SOX5: variants seen among roughly 807,000 people sequenced by gnomAD.
SOX5 encodes transcription factor SOX-5.
Under a neutral mutation model 92.0 loss-of-function variants are expected in SOX5, and 9 were observed. The observed-to-expected ratio is 0.10, with a 90% confidence interval of 0.06 to 0.17. The LOEUF is 0.17. Among genes scored for constraint, SOX5 ranks in the 10% least tolerant of loss-of-function variants. SOX5 has a pLI of 1.00. For missense variants in SOX5, 642 were observed against 944.5 expected (o/e 0.68, Z 4.20); for synonymous variants, 344 against 336.3 (o/e 1.02, Z -0.25).
At chr12:23,551,205 C>T (rs568068035) in intron 11 of SOX5, among the ~76,000 whole-genome samples, 23 of 151,966 alleles carry the variant, frequency 1.5e-4, no homozygotes, top group African/African-American at 4.8e-4. Flanking sequence ...ACTATATTAA[C>T]GACACGGGAA....
intron 1 of SOX5, among the ~76,000 whole-genome samples, chr12:23,927,838 T>G (rs1481220195): frequency 3.3e-5 from 5 of 152,054 alleles, no homozygotes; most frequent in Admixed American, 6.6e-5. Context: ...TACCTTTCAG[T>G]GTGCTAATAT....
intron 4 of SOX5, among the ~76,000 whole-genome samples, chr12:23,965,971 A>T (rs940602134): frequency 6.6e-6 from 1 of 152,120 alleles, no homozygotes; most frequent in Admixed American, 6.5e-5. Context: ...CTGATTGTCC[A>T]GAGCACAATG....
chr12:24,340,800 C>T (rs1952486040), intron 2 of SOX5, among the ~76,000 whole-genome samples: 1 of 152,210 alleles, frequency 6.6e-6, no homozygotes, highest in Non-Finnish European at 1.5e-5. Context: ...CAGAGCTACA[C>T]ACTCACTTAT....
intron 2 of SOX5, among the ~76,000 whole-genome samples, chr12:24,329,852 G>A (rs549106782): frequency 2.0e-5 from 3 of 152,074 alleles, no homozygotes; most frequent in Non-Finnish European, 1.5e-5. Flanking sequence ...GTGAAACCCC[G>A]TCTCTACTAA....
chr12:23,657,724 C>G (rs2082490252), intron 7 of SOX5, among the ~76,000 whole-genome samples: 1 of 152,138 alleles, frequency 6.6e-6, no homozygotes, highest in African/African-American at 2.4e-5. Flanking sequence ...TTAGGCTCAG[C>G]TATGACAAAC....
chr12:24,090,744 T>C (rs181310073), intron 4 of SOX5, among the ~76,000 whole-genome samples: 23 of 152,300 alleles, frequency 1.5e-4, no homozygotes, highest in African/African-American at 5.5e-4. Flanking sequence ...TTCAGGGTAA[T>C]TGATGACACA....
Position 24,074,825 on chromosome 12 carries a change from A to T in SOX5, c.-2+138518T>A, listed in dbSNP as rs540170952. ...GACCTACTCAGAAATCTTAACAATG[A>T]CTCTACTGTATAACTTGGGAAATTT... On this transcript the variant is annotated intron_variant, in intron 4 of 4. Transcript: ENST00000446891. 2.6e-5 allele frequency among the ~76,000 whole-genome samples: 4 copies of T among 151,496 alleles called. No individual in the cohort carries two copies. In the South Asian group the frequency reaches 8.4e-4, roughly 32 times the overall value.
chr12:23,805,575 A>G (rs951726826), intron 3 of SOX5, among the ~76,000 whole-genome samples: 2 of 152,194 alleles, frequency 1.3e-5, no homozygotes, highest in South Asian at 2.1e-4. Flanking sequence ...AGAAAAAAAG[A>G]AAATGGTTTA....
At chr12:23,872,913 T>A (rs1486420866) in intron 2 of SOX5, among the ~76,000 whole-genome samples, 2 of 152,182 alleles carry the variant, frequency 1.3e-5, no homozygotes, top group Non-Finnish European at 2.9e-5. Flanking sequence ...ATCATCTTCA[T>A]ATTCAGTGAC....
At chr12:24,480,609 G>C (rs1308020589) in intron 1 of SOX5, among the ~76,000 whole-genome samples, 2 of 152,076 alleles carry the variant, frequency 1.3e-5, no homozygotes, top group Admixed American at 1.3e-4. Flanking sequence ...GATTTGAATA[G>C]ACACTTCTCA....
intron 7 of SOX5, among the ~76,000 whole-genome samples, chr12:23,663,731 TAAAAATCAGAATTTAA>T (rs1489763367): frequency 5.9e-5 from 9 of 152,094 alleles, no homozygotes; most frequent in Non-Finnish European, 1.2e-4. Flanking sequence ...CTTCATGATT[TAAAAATCAGAATTTAA>T]AAAAATCAGA....
chr12:24,082,253 T>C (rs1486752303), intron 4 of SOX5, among the ~76,000 whole-genome samples: 2 of 151,582 alleles, frequency 1.3e-5, no homozygotes, highest in Admixed American at 6.6e-5. Context: ...GTGTTATCAG[T>C]ATTATAAAAC....
chr12:23,949,742 C>CTA, upstream of SOX5: 1 of 1,090,162 alleles, frequency 9.2e-7, no homozygotes, highest in Non-Finnish European at 1.3e-6. Context: ...CTCTCTCTCT[C>CTA]TCTCTCTCTC....
At chr12:24,062,583 G>C (rs1333767709) in intron 4 of SOX5, among the ~76,000 whole-genome samples, 1 of 152,222 alleles carries the variant, frequency 6.6e-6, no homozygotes, top group Non-Finnish European at 1.5e-5. Flanking sequence ...AGGAAAAAGA[G>C]CTAGGCAGAA....
At chr12:24,232,846 T>C (rs1963681903) in intron 3 of SOX5, among the ~76,000 whole-genome samples, 2 of 152,196 alleles carry the variant, frequency 1.3e-5, no homozygotes, top group African/African-American at 4.8e-5. Flanking sequence ...ATAATATCCA[T>C]ATTTCCGACA....
intron 4 of SOX5, among the ~76,000 whole-genome samples, chr12:24,037,600 T>C (rs1051628516): frequency 6.6e-6 from 1 of 152,154 alleles, no homozygotes; most frequent in Admixed American, 6.6e-5. Flanking sequence ...CTAAGAAGTA[T>C]ACAGTGAAAT....
intron 1 of SOX5, among the ~76,000 whole-genome samples, chr12:24,527,800 C>T (rs1285712648): frequency 6.6e-6 from 1 of 152,172 alleles, no homozygotes; most frequent in East Asian, 1.9e-4. Flanking sequence ...GTCAGGGGAG[C>T]TAAATGTCCT....
At chr12:24,422,253 CTGGATA>C (rs1224606604) in intron 1 of SOX5, among the ~76,000 whole-genome samples, 1 of 152,154 alleles carries the variant, frequency 6.6e-6, no homozygotes, top group Non-Finnish European at 1.5e-5. Context: ...TAAATCAATA[CTGGATA>C]TGATCAACAT....
At chr12:23,973,642 A>C (rs950597156) in intron 4 of SOX5, among the ~76,000 whole-genome samples, 2 of 152,182 alleles carry the variant, frequency 1.3e-5, no homozygotes, top group Non-Finnish European at 2.9e-5. Context: ...TGGATGCCTG[A>C]AACGTCTGAT....
Sources: allele counts gnomAD v4.1 joint callset (sites outside exome capture counted in the v4.1 genomes callset), GRCh38; gene constraint gnomAD v4.1.1; transcripts MANE v1.5; gene names NCBI Gene and HGNC (gene_info 2026-07-23, HGNC 2026-07-21).